PIK3C2A: variants seen among roughly 807,000 people sequenced by gnomAD.
The protein encoded by PIK3C2A is phosphatidylinositol 4-phosphate 3-kinase C2 domain-containing subunit alpha.
In PIK3C2A, 97 loss-of-function variants were observed where a neutral mutation model predicts 204.5. The ratio of observed to expected loss-of-function variants is 0.47; its 90% CI spans 0.40 to 0.56. PIK3C2A has a LOEUF of 0.56. Ranked by LOEUF, PIK3C2A falls within the 20% of genes least tolerant of loss-of-function variation. The probability of loss-of-function intolerance (pLI) is 0.00; values close to 1 mark genes in which losing one functional copy is unlikely to be tolerated. For synonymous variants in PIK3C2A, 653 were observed against 664.4 expected, an observed-to-expected ratio of 0.98 and a Z score of 0.26; for missense variants, 1,735 against 1,969.2, an observed-to-expected ratio of 0.88 and a Z score of 2.25.
At chr11:17,190,959 A>G (rs1334764090) in intron 1 of PIK3C2A, among the ~76,000 whole-genome samples, 1 of 152,228 alleles carries the variant, frequency 6.6e-6, no homozygotes, top group African/African-American at 2.4e-5. Flanking sequence ...ACAAAGAAAG[A>G]CATCAACCAA....
In PIK3C2A at chr11:17,118,630, A is replaced by T; in HGVS notation, c.3035+15T>A. 2.5e-6 allele frequency: 3 copies of T among 1,208,750 alleles called. No individual in the cohort carries two copies. Among genetic ancestry groups the T allele is most frequent in the Non-Finnish European group, 3.7e-6 (3 of 821,294 alleles). The allele number at this position is 1,208,750 out of a possible 1,614,324, so 74.9% of individuals were successfully genotyped here. ...AGGAATGGAAATACGGTAATCAATAAAATTTAAATCTTACCAATATAAATT... is the reference window on the plus strand; with the variant it reads ...AGGAATGGAAATACGGTAATCAATATAATTTAAATCTTACCAATATAAATT... On this transcript the variant is annotated intron_variant, in intron 18 of 32. Coordinates refer to ENST00000691414, the MANE Select transcript of PIK3C2A (RefSeq NM_002645.4).
At chr11:17,103,823 C>T (rs965806618) in intron 23 of PIK3C2A, among the ~76,000 whole-genome samples, 2 of 152,156 alleles carry the variant, frequency 1.3e-5, no homozygotes, top group Non-Finnish European at 2.9e-5. Flanking sequence ...TATTAAATCA[C>T]ATTAAAAAGC....
rs1565261492 is a variant in PIK3C2A at position 17,129,380 on chromosome 11, T to C, written c.2319A>G (p.Gly773=). The change falls in exon 13 of 33, where the codon GGA becomes GGG. Residue 773 remains glycine (G), a synonymous_variant. Coordinates refer to ENST00000691414, the MANE Select transcript of PIK3C2A (RefSeq NM_002645.4). ...TCTGCTTATTAGAATCAGGGGAACTTCCACTGCTCTGATTTAAAATTCCAA... is the reference window on the plus strand; with the variant it reads ...TCTGCTTATTAGAATCAGGGGAACTCCCACTGCTCTGATTTAAAATTCCAA... The part of the protein sequence containing the change: ...TLFGILNQSS[G]SSPDSNKQRK... The C allele has an allele frequency of 6.2e-7, 1 of 1,612,296 alleles. No homozygotes were observed. Among genetic ancestry groups the C allele is most frequent in the Non-Finnish European group, 8.5e-7 (1 of 1,178,328 alleles).
intron 8 of PIK3C2A, among the ~76,000 whole-genome samples, chr11:17,142,773 A>C (rs1030288180): frequency 1.3e-5 from 2 of 152,200 alleles, no homozygotes; most frequent in Non-Finnish European, 2.9e-5. Flanking sequence ...TACTGAATTC[A>C]GGATCATGGA....
chr11:17,159,880 A>G (rs1476147679), intron 2 of PIK3C2A, among the ~76,000 whole-genome samples: 1 of 152,214 alleles, frequency 6.6e-6, no homozygotes, highest in African/African-American at 2.4e-5. Context: ...TAGGAAAAAA[A>G]TTGATGTTCC....
At chr11:17,112,728 T>G in intron 20 of PIK3C2A, 62 bp from the exon 21 acceptor site, 4 of 742,224 alleles carry the variant, frequency 5.4e-6, no homozygotes, top group African/African-American at 1.8e-5. Context: ...AATTTTTTTT[T>G]GTCCTACGCA....
chr11:17,152,314 T>C (rs753720390), intron 3 of PIK3C2A, among the ~76,000 whole-genome samples: 1 of 152,156 alleles, frequency 6.6e-6, no homozygotes, highest in Non-Finnish European at 1.5e-5. Flanking sequence ...AATACACTAA[T>C]TACCTTTTTC....
intron 19 of PIK3C2A, among the ~76,000 whole-genome samples, chr11:17,116,252 C>A (rs1337766258): frequency 3.3e-5 from 5 of 152,234 alleles, no homozygotes; most frequent in Middle Eastern, 3.4e-3. Flanking sequence ...ATAGATATTT[C>A]TCCAAAGAAT....
chr11:17,093,898 A>G (rs1848382911), intron 28 of PIK3C2A, among the ~76,000 whole-genome samples: 1 of 152,082 alleles, frequency 6.6e-6, no homozygotes, highest in African/African-American at 2.4e-5. Context: ...CGGCCTCCCA[A>G]AGTGCTGGGA....
chr11:17,119,499 G>T (rs919443424), intron 16 of PIK3C2A, among the ~76,000 whole-genome samples, 186 bp from the exon 17 acceptor site: 1 of 152,080 alleles, frequency 6.6e-6, no homozygotes, highest in African/African-American at 2.4e-5. Flanking sequence ...TCAATTTAGG[G>T]ATTATTTAGG....
At chr11:17,095,275 A>G (rs1848418834) in intron 27 of PIK3C2A, among the ~76,000 whole-genome samples, 1 of 151,810 alleles carries the variant, frequency 6.6e-6, no homozygotes. Flanking sequence ...CAAAAAGTAG[A>G]AATAAAAATA....
chr11:17,133,423 C>T (rs1849767411), intron 11 of PIK3C2A, among the ~76,000 whole-genome samples: 4 of 152,038 alleles, frequency 2.6e-5, no homozygotes, highest in Admixed American at 2.6e-4. Flanking sequence ...AAGAATACTG[C>T]CCACAGATGG....
intron 26 of PIK3C2A, 79 bp from the exon 27 acceptor site, chr11:17,097,343 C>A (rs1848484565): frequency 1.2e-6 from 1 of 845,824 alleles, no homozygotes; most frequent in Non-Finnish European, 1.9e-6. Context: ...ATGACAAAAA[C>A]CACTTTCATT....
rs528144613 is a variant in PIK3C2A, at chr11:17,181,005, T to C, written c.-65-11199A>G. 2.0e-4 allele frequency among the ~76,000 whole-genome samples: 31 copies of C among 152,246 alleles called. 1 individual carries two copies. The highest frequency in any genetic ancestry group is 1.5e-3 in the East Asian group (8 of 5,182). ...GAACAGCCAAATGGAAGAGTTTACT[T>C]ATTACTGACTTATTATAAAGGATAC... On this transcript the variant is annotated intron_variant, in intron 1 of 32. Transcript: ENST00000691414.
In PIK3C2A at chr11:17,157,938, A is replaced by G. The variant is rs547368361; in HGVS notation, c.1066-2309T>C. 1.5e-3 allele frequency among the ~76,000 whole-genome samples: 225 copies of G among 152,324 alleles called. 1 individual carries two copies. The highest frequency in any genetic ancestry group is 2.1e-3 in the Non-Finnish European group (142 of 68,026). Reference sequence around the variant, plus strand: ...TCCCAGAATCTCCCTAAAGATTTCTATGTTCCAGTTAGCTTGAATCATATC... The same window carrying G: ...TCCCAGAATCTCCCTAAAGATTTCTGTGTTCCAGTTAGCTTGAATCATATC... On this transcript the variant is annotated intron_variant, in intron 2 of 32. Transcript: ENST00000691414.
At position 17,174,455 on chromosome 11, in the gene PIK3C2A, G is replaced by A. The variant is rs1173512222; in HGVS notation, c.-65-4649C>T. Among the ~76,000 whole-genome samples, 4 of 85,856 alleles carry A rather than the reference G, an allele frequency of 4.7e-5. 1 individual carries two copies. Among genetic ancestry groups the A allele is most frequent in the South Asian group, 9.1e-4 (2 of 2,194 alleles). 56.3% of individuals were successfully genotyped at this position (85,856 alleles called of 152,430 possible). A position where few individuals can be genotyped will look rare whatever the true frequency, so the allele number is the denominator to read the frequency against. ...AAAAATACAAAAAAATTAGCCGGGC[G>A]TAGTGGCGGGCGCCTGTAGTCCCAG... On this transcript the variant is annotated intron_variant, in intron 1 of 32. Coordinates refer to ENST00000691414, the MANE Select transcript of PIK3C2A (RefSeq NM_002645.4).
Position 17,168,694 on chromosome 11 carries a change from G to A in PIK3C2A, c.1048C>T (p.Gln350Ter). The change falls in exon 2 of 33, where the codon CAG becomes TAG. Residue 350 changes from glutamine to a stop codon, truncating the protein, a stop_gained. Coordinates refer to ENST00000691414, the MANE Select transcript of PIK3C2A (RefSeq NM_002645.4). LOFTEE classifies it high-confidence loss of function. ...GACTATACCTGAGATATATGGCCCT[G>A]GGCTTTTGCAAGCTGAGTTGTTCGA... ...NIRTTQLAKA[Q>*]GHISQKDPNG... 6.3e-7 allele frequency: 1 copy of A among 1,585,584 alleles called. No homozygotes were observed. The highest frequency in any genetic ancestry group is 8.6e-7 in the Non-Finnish European group (1 of 1,166,446).
At chr11:17,172,913 T>G (rs1851225024) in intron 1 of PIK3C2A, among the ~76,000 whole-genome samples, 1 of 152,208 alleles carries the variant, frequency 6.6e-6, no homozygotes. Context: ...AATCTTAACA[T>G]TCCCGTTTAG....
intron 1 of PIK3C2A, among the ~76,000 whole-genome samples, chr11:17,182,885 G>A (rs1052498333): frequency 1.3e-5 from 2 of 152,060 alleles, no homozygotes; most frequent in African/African-American, 4.8e-5. Flanking sequence ...CTGTCGCCAG[G>A]CCGAAGTGAA....
Sources: gnomAD v4.1 joint callset for allele counts (sites outside exome capture counted in the v4.1 genomes callset) on GRCh38, gnomAD v4.1.1 for gene constraint, MANE v1.5 for transcripts, NCBI Gene and HGNC (gene_info 2026-07-23, HGNC 2026-07-21) for gene names.